SV2C: variants seen among roughly 807,000 people sequenced by gnomAD.
SV2C encodes synaptic vesicle glycoprotein 2C, also known as solute carrier family 22 member B3.
Under a neutral mutation model 79.7 loss-of-function variants are expected in SV2C, and 49 were observed. The observed-to-expected ratio is 0.61, with a 90% CI of 0.49 to 0.78. The LOEUF (loss-of-function observed/expected upper bound fraction) is 0.78. Ranked by LOEUF, SV2C falls within the 30% of genes least tolerant of loss-of-function variation. The pLI, the probability that SV2C is intolerant of heterozygous loss-of-function variation, is 0.00. For synonymous variants in SV2C, 334 were observed against 333.2 expected, an observed-to-expected ratio of 1.00 and a Z score of -0.03; for missense variants, 833 against 912.9, an observed-to-expected ratio of 0.91 and a Z score of 1.13.
the SV2C span, among the ~76,000 whole-genome samples, chr5:75,999,476 G>A: frequency 6.6e-6 from 1 of 151,962 alleles, no homozygotes; most frequent in Non-Finnish European, 1.5e-5. Flanking sequence ...GCCATGGGCA[G>A]GTTGGAGCCC....
chr5:76,108,002 T>G (rs971002048), intron 1 of SV2C, among the ~76,000 whole-genome samples: 6 of 152,208 alleles, frequency 3.9e-5, no homozygotes, highest in Non-Finnish European at 8.8e-5. Context: ...TATGCAAAAA[T>G]CACATTTTGG....
At chr5:75,899,662 G>A in the SV2C span, among the ~76,000 whole-genome samples, 1 of 152,070 alleles carries the variant, frequency 6.6e-6, no homozygotes, top group Non-Finnish European at 1.5e-5. Flanking sequence ...TGTTGACAGT[G>A]GGGTGTTAAA....
Position 76,106,615 on chromosome 5 carries a change from C to A in SV2C, c.-102+23103C>A, listed in dbSNP as rs56238181. Among the ~76,000 whole-genome samples, 659 of 152,280 alleles carry A rather than the reference C, an allele frequency of 4.3e-3. 4 individuals carry two copies. The highest frequency in any genetic ancestry group is 0.013 in the African/African-American group (557 of 41,570). ...TGGCCTCCTTCCTGTTTCTTTAATACATCAAGCATGCCCCTGACTCAGGGA... is the reference window on the plus strand; with the variant it reads ...TGGCCTCCTTCCTGTTTCTTTAATAAATCAAGCATGCCCCTGACTCAGGGA... On this transcript the variant is annotated intron_variant, in intron 1 of 12. Transcript: ENST00000502798.
At chr5:76,145,056 A>C (rs1461751757) in intron 2 of SV2C, among the ~76,000 whole-genome samples, 4 of 152,346 alleles carry the variant, frequency 2.6e-5, no homozygotes, top group Admixed American at 2.6e-4. Flanking sequence ...TTTGTGGGGA[A>C]GATTACCTCC....
chr5:76,287,508 C>T (rs534175925), intron 6 of SV2C, among the ~76,000 whole-genome samples: 5 of 152,262 alleles, frequency 3.3e-5, no homozygotes, highest in African/African-American at 1.2e-4. Context: ...GACAGAAACC[C>T]TCCCTCCGGA....
intron 4 of SV2C, among the ~76,000 whole-genome samples, chr5:76,225,832 G>A (rs1406657560): frequency 1.3e-5 from 2 of 152,132 alleles, no homozygotes; most frequent in Non-Finnish European, 2.9e-5. Flanking sequence ...CTGGGATTGA[G>A]CCTTCATTTA....
the SV2C span, among the ~76,000 whole-genome samples, chr5:76,074,004 G>C: frequency 6.6e-6 from 1 of 152,186 alleles, no homozygotes; most frequent in Non-Finnish European, 1.5e-5. Flanking sequence ...CTCATTGGTT[G>C]AGGGTTCACA....
At chr5:75,888,853 G>A in the SV2C span, among the ~76,000 whole-genome samples, 1 of 151,914 alleles carries the variant, frequency 6.6e-6, no homozygotes, top group African/African-American at 2.4e-5. Context: ...GTTTGTTAGG[G>A]CTACCTTAAC....
In SV2C at chr5:76,099,365, CGTGTGTGTGTGTGT is replaced by C. The variant is rs10582798; in HGVS notation, c.-102+15870_-102+15883del. ...TGCCATATTAGTGCTTTCTTTTGCTCGTGTGTGTGTGTGTGTGTGTGTGTGTGTGTCTTGTCTTC... is the reference window on the plus strand; with the variant it reads ...TGCCATATTAGTGCTTTCTTTTGCTCGTGTGTGTGTGTGTGTCTTGTCTTC... On this transcript the variant is annotated intron_variant, in intron 1 of 12. Coordinates refer to ENST00000502798, the MANE Select transcript of SV2C (RefSeq NM_014979.4). Among the ~76,000 whole-genome samples, 117 of 148,604 alleles carry C rather than the reference CGTGTGTGTGTGTGT, an allele frequency of 7.9e-4. No homozygotes were observed. The East Asian group carries it at 0.015, about 19-fold the overall frequency.
At chr5:75,884,247 A>G in the SV2C span, among the ~76,000 whole-genome samples, 1 of 152,142 alleles carries the variant, frequency 6.6e-6, no homozygotes, top group African/African-American at 2.4e-5. Context: ...TAACACTCAT[A>G]AATGCTTGAC....
the SV2C span, among the ~76,000 whole-genome samples, chr5:75,847,886 TA>T: frequency 6.6e-6 from 1 of 152,172 alleles, no homozygotes; most frequent in African/African-American, 2.4e-5. Context: ...AAATCTTCCT[TA>T]AGTCTCAGGA....
chr5:75,849,263 T>TTCCA, the SV2C span, among the ~76,000 whole-genome samples: 1 of 152,160 alleles, frequency 6.6e-6, no homozygotes, highest in Non-Finnish European at 1.5e-5. Flanking sequence ...AGGATAAAAC[T>TTCCA]TAGTGGAGTG....
At chr5:76,015,881 T>C in the SV2C span, among the ~76,000 whole-genome samples, 1 of 152,028 alleles carries the variant, frequency 6.6e-6, no homozygotes, top group Non-Finnish European at 1.5e-5. Flanking sequence ...TTATAGTAAA[T>C]CTTATTTTTA....
the SV2C span, among the ~76,000 whole-genome samples, chr5:76,012,737 G>A: frequency 1.3e-5 from 2 of 152,282 alleles, no homozygotes; most frequent in East Asian, 1.9e-4. Context: ...TACTGTTTTA[G>A]TTCTTACATC....
At chr5:76,180,349 A>T (rs1414248221) in intron 2 of SV2C, among the ~76,000 whole-genome samples, 1 of 152,222 alleles carries the variant, frequency 6.6e-6, no homozygotes, top group African/African-American at 2.4e-5. Context: ...TATATTTCTC[A>T]TAAGTCTGTT....
downstream of SV2C, among the ~76,000 whole-genome samples, chr5:76,338,223 G>T (rs2112583025): frequency 6.6e-6 from 1 of 152,364 alleles, no homozygotes; most frequent in South Asian, 2.1e-4. Context: ...AGATAGGACA[G>T]GATAAGCTCC....
At chr5:76,106,462 C>T (rs890415951) in intron 1 of SV2C, among the ~76,000 whole-genome samples, 15 of 152,224 alleles carry the variant, frequency 9.9e-5, no homozygotes, top group African/African-American at 3.6e-4. Flanking sequence ...GCAGTGACTC[C>T]TCTGCATACT....
the SV2C span, among the ~76,000 whole-genome samples, chr5:76,060,165 A>T: frequency 1.3e-5 from 2 of 152,138 alleles, no homozygotes; most frequent in African/African-American, 4.8e-5. Context: ...TAAGGGCACT[A>T]TGATTTTTGA....
At chr5:76,109,569 G>A (rs147428198) in intron 1 of SV2C, among the ~76,000 whole-genome samples, 1 of 152,278 alleles carries the variant, frequency 6.6e-6, no homozygotes, top group East Asian at 1.9e-4. Flanking sequence ...TTGGAAGTAA[G>A]GTTTTTGCAG....
Sources: gnomAD v4.1 joint callset for allele counts (sites outside exome capture counted in the v4.1 genomes callset) on GRCh38, gnomAD v4.1.1 for gene constraint, MANE v1.5 for transcripts, NCBI Gene and HGNC (gene_info 2026-07-23, HGNC 2026-07-21) for gene names.